PDE11A: variants seen among roughly 807,000 people sequenced by gnomAD.
PDE11A encodes the protein phosphodiesterase 11A.
In PDE11A, 100 loss-of-function variants were observed where a neutral mutation model predicts 100.5. The ratio of observed to expected loss-of-function variants is 1.00; its 90% CI spans 0.85 to 1.18. PDE11A has a LOEUF of 1.18. Among genes scored for constraint, PDE11A ranks in the 50% most tolerant of loss-of-function variants. The probability of loss-of-function intolerance (pLI) is 0.00; values close to 1 mark genes in which losing one functional copy is unlikely to be tolerated. For missense variants in PDE11A, 1,141 were observed against 1,152.6 expected, an observed-to-expected ratio of 0.99 and a Z score of 0.15; for synonymous variants, 381 against 420.8, an observed-to-expected ratio of 0.91 and a Z score of 1.16.
chr2:177,924,115 G>A (rs900366114), intron 2 of PDE11A, among the ~76,000 whole-genome samples: 1 of 152,158 alleles, frequency 6.6e-6, no homozygotes, highest in Non-Finnish European at 1.5e-5. Context: ...AGAAACATCT[G>A]TAGATTTTCG....
chr2:177,829,823 A>C (rs1329088624), intron 6 of PDE11A, among the ~76,000 whole-genome samples: 1 of 152,062 alleles, frequency 6.6e-6, no homozygotes, highest in Non-Finnish European at 1.5e-5. Flanking sequence ...GGCTTCCTAC[A>C]TATCTTGAAT....
At chr2:178,025,742 T>G (rs2086470475) in intron 1 of PDE11A, among the ~76,000 whole-genome samples, 1 of 152,214 alleles carries the variant, frequency 6.6e-6, no homozygotes. Flanking sequence ...CCTCATGCTC[T>G]ATAAGCTTTA....
At chr2:177,686,297 TG>T (rs1352633336) in intron 15 of PDE11A, among the ~76,000 whole-genome samples, 1 of 152,188 alleles carries the variant, frequency 6.6e-6, no homozygotes, top group Non-Finnish European at 1.5e-5. Context: ...CCAGGTATAG[TG>T]GGTCACGCCT....
At chr2:177,843,684 T>C (rs1222117507) in intron 5 of PDE11A, among the ~76,000 whole-genome samples, 2 of 152,158 alleles carry the variant, frequency 1.3e-5, no homozygotes, top group East Asian at 1.9e-4. Context: ...CAAGGCAGGG[T>C]TGAGGCCGTT....
In PDE11A at chr2:178,036,852, A is replaced by T. The variant is rs187369194; in HGVS notation, c.913-22392T>A. ...AACAGAAACTGGACCCCTTCCTTAC[A>T]CCTTATAGAAAAATTAACTCAAGAT... On this transcript the variant is annotated intron_variant, in intron 1 of 19. Coordinates refer to ENST00000286063, the MANE Select transcript of PDE11A (RefSeq NM_016953.4). Among the ~76,000 whole-genome samples, 214 of 152,278 alleles carry T rather than the reference A, an allele frequency of 1.4e-3. 4 individuals are homozygous for T. The highest frequency in any genetic ancestry group is 4.4e-4 in the Non-Finnish European group (30 of 68,028).
intron 9 of PDE11A, among the ~76,000 whole-genome samples, chr2:177,793,184 A>G (rs2082656316): frequency 1.3e-5 from 2 of 152,144 alleles, no homozygotes; most frequent in African/African-American, 4.8e-5. Context: ...TAAAGACTTC[A>G]TTAGAGTCCA....
intron 1 of PDE11A, among the ~76,000 whole-genome samples, chr2:178,070,181 C>T (rs1282707086): frequency 6.6e-6 from 1 of 152,108 alleles, no homozygotes; most frequent in South Asian, 2.1e-4. Context: ...TGTTGCTTCA[C>T]CTACACCTTT....
intron 10 of PDE11A, among the ~76,000 whole-genome samples, chr2:177,745,661 C>T (rs2081937521): frequency 6.6e-6 from 1 of 152,196 alleles, no homozygotes; most frequent in Admixed American, 6.5e-5. Context: ...CTCTGGGCCA[C>T]ATCAGAGCCC....
At chr2:177,759,732 T>C (rs1354486011) in intron 10 of PDE11A, among the ~76,000 whole-genome samples, 1 of 152,218 alleles carries the variant, frequency 6.6e-6, no homozygotes, top group Non-Finnish European at 1.5e-5. Context: ...CTGTTTCCAA[T>C]TTCCTTAGGT....
At chr2:177,760,749 C>T (rs1050049437) in intron 10 of PDE11A, among the ~76,000 whole-genome samples, 2 of 152,164 alleles carry the variant, frequency 1.3e-5, no homozygotes, top group African/African-American at 4.8e-5. Flanking sequence ...CTTACAAAGA[C>T]TGTTAAAAGG....
At chr2:177,882,559 A>G (rs561319080) in intron 4 of PDE11A, among the ~76,000 whole-genome samples, 3 of 152,240 alleles carry the variant, frequency 2.0e-5, no homozygotes, top group Non-Finnish European at 4.4e-5. Context: ...ATAAATTAAT[A>G]TACACACACT....
chr2:177,757,971 T>G (rs911961030), intron 10 of PDE11A, among the ~76,000 whole-genome samples: 1 of 152,028 alleles, frequency 6.6e-6, no homozygotes, highest in African/African-American at 2.4e-5. Context: ...AACATCATCC[T>G]GAATTACATG....
chr2:177,817,794 T>G, intron 8 of PDE11A, 64 bp downstream of exon 8: 1 of 783,708 alleles, frequency 1.3e-6, no homozygotes, highest in South Asian at 1.4e-5. Flanking sequence ...TCTTTCAAAT[T>G]TGGGCAAGCT....
chr2:177,633,092 C>CT, intron 19 of PDE11A, among the ~76,000 whole-genome samples: 1 of 152,226 alleles, frequency 6.6e-6, no homozygotes, highest in Non-Finnish European at 1.5e-5. Context: ...TGATTTCCCA[C>CT]TTTATGCTTT....
intron 2 of PDE11A, among the ~76,000 whole-genome samples, chr2:177,952,802 T>C (rs1444610842): frequency 6.6e-6 from 1 of 152,158 alleles, no homozygotes; most frequent in East Asian, 1.9e-4. Context: ...ACTCTGTACA[T>C]TGCACTTACA....
chr2:177,762,191 G>C (rs1287811326), intron 10 of PDE11A, among the ~76,000 whole-genome samples: 4 of 152,134 alleles, frequency 2.6e-5, no homozygotes, highest in Non-Finnish European at 5.9e-5. Flanking sequence ...ACTGTACAAT[G>C]ATAGCCAAAG....
intron 2 of PDE11A, among the ~76,000 whole-genome samples, chr2:178,091,288 C>T (rs1355679943): frequency 1.3e-5 from 2 of 152,140 alleles, no homozygotes; most frequent in Non-Finnish European, 2.9e-5. Context: ...CCAGGCTGAT[C>T]TCCAATTCCT....
chr2:177,805,704 A>G (rs2082859027), intron 9 of PDE11A, among the ~76,000 whole-genome samples: 1 of 152,214 alleles, frequency 6.6e-6, no homozygotes, highest in Non-Finnish European at 1.5e-5. Flanking sequence ...TCCTGACAAA[A>G]TATCATGAAA....
At chr2:177,915,323 A>G (rs893006215) in intron 2 of PDE11A, among the ~76,000 whole-genome samples, 7 of 152,202 alleles carry the variant, frequency 4.6e-5, no homozygotes, top group Admixed American at 2.6e-4. Context: ...TGCCCTAAAA[A>G]TTCCCTGTGC....
Sources: allele counts gnomAD v4.1 joint callset (sites outside exome capture counted in the v4.1 genomes callset), GRCh38; gene constraint gnomAD v4.1.1; transcripts MANE v1.5; gene names NCBI Gene and HGNC (gene_info 2026-07-23, HGNC 2026-07-21).